The following RBFOX1 variants were observed in gnomAD, a reference collection of about 807,000 sequenced individuals.
The protein encoded by RBFOX1 is RNA binding protein fox-1 homolog 1.
A neutral mutation model predicts 57.7 loss-of-function variants in RBFOX1; 8 were observed. The observed-to-expected ratio is 0.14, with a 90% CI of 0.08 to 0.25. RBFOX1 has a LOEUF of 0.25. Ranked by LOEUF, RBFOX1 falls within the 10% of genes least tolerant of loss-of-function variation. The pLI is 1.00. For missense variants in RBFOX1, 611 were observed against 548.5 expected, an observed-to-expected ratio of 1.11 and a Z score of -1.14; for synonymous variants, 326 against 222.4, an observed-to-expected ratio of 1.47 and a Z score of -4.15.
chr16:6,497,777 G>A (rs577290048), intron 2 of RBFOX1, among the ~76,000 whole-genome samples: 3 of 151,802 alleles, frequency 2.0e-5, no homozygotes, highest in East Asian at 2.0e-4. Flanking sequence ...GGCTGACCTC[G>A]AACTCCTGAC....
intron 4 of RBFOX1, among the ~76,000 whole-genome samples, chr16:7,300,249 A>C (rs1439295823): frequency 6.6e-6 from 1 of 151,318 alleles, no homozygotes; most frequent in East Asian, 1.9e-4. Flanking sequence ...TAAACTGTCT[A>C]ATGTCAGGGA....
chr16:5,738,082 C>G (rs574148430), intron 3 of RBFOX1, among the ~76,000 whole-genome samples: 1 of 150,846 alleles, frequency 6.6e-6, no homozygotes, highest in Non-Finnish European at 1.5e-5. Context: ...GTTCAACTCT[C>G]ACTTATGAGT....
At chr16:5,634,376 A>G (rs768905727) in intron 3 of RBFOX1, among the ~76,000 whole-genome samples, 8 of 152,224 alleles carry the variant, frequency 5.3e-5, no homozygotes, top group Non-Finnish European at 7.3e-5. Context: ...AGTGGTCTCA[A>G]ATGTAATTGA....
intron 1 of RBFOX1, among the ~76,000 whole-genome samples, chr16:6,264,714 T>G (rs2097722543): frequency 6.6e-6 from 1 of 152,224 alleles, no homozygotes; most frequent in Admixed American, 6.5e-5. Flanking sequence ...AAGCAGTCCC[T>G]GAGGCCTAAG....
chr16:5,591,454 T>A (rs2047004378), intron 2 of RBFOX1, among the ~76,000 whole-genome samples: 1 of 152,096 alleles, frequency 6.6e-6, no homozygotes, highest in Non-Finnish European at 1.5e-5. Flanking sequence ...TTTCACCATG[T>A]TGGCCAGGTT....
At chr16:5,286,176 C>T (rs1318846810) in intron 1 of RBFOX1, among the ~76,000 whole-genome samples, 1 of 152,136 alleles carries the variant, frequency 6.6e-6, no homozygotes, top group African/African-American at 2.4e-5. Flanking sequence ...CCAGGTGTGT[C>T]AATACTAGGG....
At chr16:6,021,762 C>G (rs952805666) in intron 1 of RBFOX1, among the ~76,000 whole-genome samples, 2 of 152,194 alleles carry the variant, frequency 1.3e-5, no homozygotes, top group Non-Finnish European at 2.9e-5. Flanking sequence ...TGACCTTGGG[C>G]AAGTTGCTTT....
chr16:6,427,508 G>A (rs890461344), intron 2 of RBFOX1, among the ~76,000 whole-genome samples: 1 of 152,116 alleles, frequency 6.6e-6, no homozygotes, highest in Non-Finnish European at 1.5e-5. Flanking sequence ...AGCAGAAAAA[G>A]GCAAAATAAA....
intron 3 of RBFOX1, among the ~76,000 whole-genome samples, chr16:5,615,335 A>G (rs1040173940): frequency 1.3e-5 from 2 of 152,172 alleles, no homozygotes; most frequent in Non-Finnish European, 2.9e-5. Context: ...CCAGCAGCTG[A>G]GTTTTTTTGA....
intron 4 of RBFOX1, among the ~76,000 whole-genome samples, chr16:7,388,166 T>G (rs2097916254): frequency 6.6e-6 from 1 of 152,156 alleles, no homozygotes; most frequent in Non-Finnish European, 1.5e-5. Context: ...TGATCTCAGA[T>G]TGCATGGAGC....
intron 2 of RBFOX1, among the ~76,000 whole-genome samples, chr16:6,339,781 C>A (rs1013332433): frequency 2.6e-5 from 4 of 151,980 alleles, no homozygotes; most frequent in Admixed American, 2.6e-4. Context: ...AGCGATTCTC[C>A]TGCCTCAGCC....
In RBFOX1 at chr16:6,143,959, C is replaced by CCACATATATATATA. The variant is rs71404590; in HGVS notation, c.-127+123967_-127+123968insCACATATATATATA. The stretch of plus-strand genomic sequence containing the variant: ...TGCAGGTGTGCAACACCATACTCAG[C>CCACATATATATATA]TATATATATATATATATATATATCT... On this transcript the variant is annotated intron_variant, in intron 1 of 15. Coordinates refer to ENST00000550418, the MANE Select transcript of RBFOX1 (RefSeq NM_018723.4). 2.3e-3 allele frequency among the ~76,000 whole-genome samples: 322 copies of CCACATATATATATA among 139,978 alleles called. 9 individuals carry two copies. Among genetic ancestry groups the CCACATATATATATA allele is most frequent in the African/African-American group, 8.8e-3 (314 of 35,652 alleles). The allele number at this position is 139,978 out of a possible 152,430, so 91.8% of individuals were successfully genotyped here.
At chr16:5,665,146 T>C (rs1006119294) in intron 3 of RBFOX1, among the ~76,000 whole-genome samples, 1 of 141,314 alleles carries the variant, frequency 7.1e-6, no homozygotes. Flanking sequence ...GGGGGCGGTC[T>C]TGCTATATTG....
At chr16:6,918,322 C>T (rs541257904) in intron 3 of RBFOX1, among the ~76,000 whole-genome samples, 1 of 151,816 alleles carries the variant, frequency 6.6e-6, no homozygotes, top group East Asian at 1.9e-4. Context: ...GGGACTCCAC[C>T]CCAGGCCTAC....
At chr16:5,415,522 G>A (rs558690475) in intron 1 of RBFOX1, among the ~76,000 whole-genome samples, 7 of 152,304 alleles carry the variant, frequency 4.6e-5, no homozygotes, top group African/African-American at 1.7e-4. Flanking sequence ...TCCAACTCCA[G>A]GACCTGCTCT....
chr16:7,146,558 T>C (rs955273400), intron 4 of RBFOX1, among the ~76,000 whole-genome samples: 1 of 152,180 alleles, frequency 6.6e-6, no homozygotes, highest in African/African-American at 2.4e-5. Flanking sequence ...TCAGGTCTTC[T>C]TGGGTTTCTC....
intron 1 of RBFOX1, among the ~76,000 whole-genome samples, chr16:6,260,686 T>A (rs192873407): frequency 7.4e-4 from 112 of 152,286 alleles, no homozygotes; most frequent in African/African-American, 2.6e-3. Flanking sequence ...GAGGCCAGCC[T>A]GGCCAACATG....
At chr16:7,633,610 A>C (rs1179834458) in intron 11 of RBFOX1, among the ~76,000 whole-genome samples, 1 of 152,246 alleles carries the variant, frequency 6.6e-6, no homozygotes, top group Non-Finnish European at 1.5e-5. Context: ...AATGAAAACT[A>C]GTTTCTTACA....
intron 4 of RBFOX1, among the ~76,000 whole-genome samples, chr16:7,324,363 T>A (rs2096583749): frequency 6.6e-6 from 1 of 151,210 alleles, no homozygotes; most frequent in South Asian, 2.1e-4. Context: ...TGTGTCCAGC[T>A]CCTGTAGGGT....
Sources: gnomAD v4.1 joint callset for allele counts (sites outside exome capture counted in the v4.1 genomes callset) on GRCh38, gnomAD v4.1.1 for gene constraint, MANE v1.5 for transcripts, NCBI Gene and HGNC (gene_info 2026-07-23, HGNC 2026-07-21) for gene names.